The following PHF21B variants were observed in gnomAD, a reference collection of about 807,000 sequenced individuals.
PHF21B encodes PHD finger protein 21B, also known as PHD finger protein 4.
PHF21B carries 22 observed loss-of-function variants against 62.2 expected under a neutral mutation model. The observed-to-expected ratio is 0.35, with a 90% CI of 0.25 to 0.51. The LOEUF is 0.51. Among genes scored for constraint, PHF21B ranks in the 20% least tolerant of loss-of-function variants. The pLI is 0.97. For missense variants in PHF21B, 701 were observed against 707.9 expected (o/e 0.99, Z 0.11); for synonymous variants, 341 against 314.7 (o/e 1.08, Z -0.88).
chr22:45,000,829 C>A (rs2073204020), intron 2 of PHF21B: 1 of 152,160 alleles, frequency 6.6e-6, no homozygotes, highest in African/African-American at 2.4e-5. Flanking sequence ...GGGGTGGTTC[C>A]TGTGGTTCAA....
At chr22:44,984,224 T>C (rs1264734395) in intron 2 of PHF21B, among the ~76,000 whole-genome samples, 18 of 20,236 alleles carry the variant, frequency 8.9e-4, no homozygotes, top group East Asian at 5.0e-3. Flanking sequence ...ACCACCACCA[T>C]CACCATCACC....
At chr22:44,943,613 T>C (rs147396178) in intron 2 of PHF21B, among the ~76,000 whole-genome samples, 1 of 152,258 alleles carries the variant, frequency 6.6e-6, no homozygotes, top group East Asian at 1.9e-4. Flanking sequence ...ACCGGGATAC[T>C]TGACTGCTGT....
chr22:44,915,764 C>T (rs1165685349), intron 4 of PHF21B, among the ~76,000 whole-genome samples: 2 of 152,234 alleles, frequency 1.3e-5, no homozygotes, highest in Non-Finnish European at 2.9e-5. Context: ...AGGCCTCAAA[C>T]AGCACAACCA....
At chr22:44,895,343 A>G (rs1011779237) in intron 6 of PHF21B, among the ~76,000 whole-genome samples, 1 of 152,128 alleles carries the variant, frequency 6.6e-6, no homozygotes, top group Non-Finnish European at 1.5e-5. Context: ...TCATCATTCT[A>G]CGATGATGTT....
At chr22:44,899,285 C>CTTTTTT (rs71188499) in intron 5 of PHF21B, among the ~76,000 whole-genome samples, 188 of 97,526 alleles carry the variant, frequency 1.9e-3, no homozygotes, top group Non-Finnish European at 2.2e-3. Context: ...TGTTCTTATT[C>CTTTTTT]TTTTTTTTTT....
intron 2 of PHF21B, among the ~76,000 whole-genome samples, chr22:44,930,443 G>A (rs1004959457): frequency 8.5e-5 from 13 of 152,150 alleles, no homozygotes; most frequent in Admixed American, 2.0e-4. Context: ...GAGACAGAGG[G>A]AGCTCTGTCT....
intron 2 of PHF21B, among the ~76,000 whole-genome samples, chr22:44,991,897 T>C (rs1351877545): frequency 6.6e-6 from 1 of 152,234 alleles, no homozygotes; most frequent in Non-Finnish European, 1.5e-5. Context: ...TCCAAAAACA[T>C]ATTTAGTAAA....
intron 8 of PHF21B, 104 bp from the exon 9 acceptor site, chr22:44,889,886 G>A (rs2070930035): frequency 1.6e-6 from 2 of 1,227,498 alleles, no homozygotes; most frequent in African/African-American, 3.2e-5. Context: ...TCTTACCCCA[G>A]GGCATGATGG....
At chr22:44,966,278 A>T (rs2072523262) in intron 2 of PHF21B, among the ~76,000 whole-genome samples, 1 of 152,224 alleles carries the variant, frequency 6.6e-6, no homozygotes, top group African/African-American at 2.4e-5. Context: ...CTGCTCACTG[A>T]GCTTCAAAAA....
rs138455998 is a variant in PHF21B, at chr22:44,941,416, C to G, written c.121-20926G>C. ...GTGACTCGGCCTCTCAATCCTACACCTCAGGAGGAAGCTCAGTCTCCTCCT... is the reference window on the plus strand; with the variant it reads ...GTGACTCGGCCTCTCAATCCTACACGTCAGGAGGAAGCTCAGTCTCCTCCT... On this transcript the variant is annotated intron_variant, in intron 2 of 12. Coordinates refer to ENST00000313237, the MANE Select transcript of PHF21B (RefSeq NM_138415.5). Among the ~76,000 whole-genome samples the G allele has an allele frequency of 2.9e-3, 443 of 152,332 alleles. 2 individuals are homozygous for G. Among genetic ancestry groups the G allele is most frequent in the African/African-American group, 0.01 (423 of 41,588 alleles).
At chr22:44,970,686 C>G (rs1014409327) in intron 2 of PHF21B, among the ~76,000 whole-genome samples, 1 of 152,214 alleles carries the variant, frequency 6.6e-6, no homozygotes, top group Non-Finnish European at 1.5e-5. Context: ...ACTGCTCATC[C>G]AGTCCAGCCA....
At chr22:44,891,250 G>C (rs963678340) in intron 8 of PHF21B, 56 bp downstream of exon 8, 31 of 1,594,954 alleles carry the variant, frequency 1.9e-5, no homozygotes, top group Non-Finnish European at 1.1e-5. Flanking sequence ...ACCACCCAGG[G>C]ATGACTCCCC....
chr22:44,965,667 C>T (rs2072511501), intron 2 of PHF21B, among the ~76,000 whole-genome samples: 2 of 152,200 alleles, frequency 1.3e-5, no homozygotes, highest in African/African-American at 2.4e-5. Context: ...GTCTCCCTCG[C>T]CCTCCAGACC....
chr22:44,893,295 T>A (rs2070998804), intron 7 of PHF21B, among the ~76,000 whole-genome samples, 162 bp downstream of exon 7: 1 of 152,072 alleles, frequency 6.6e-6, no homozygotes, highest in African/African-American at 2.4e-5. Flanking sequence ...TCGGAGGTGA[T>A]GAGAGAGATG....
chr22:45,002,330 C>T (rs2073235361), intron 2 of PHF21B, among the ~76,000 whole-genome samples: 1 of 152,136 alleles, frequency 6.6e-6, no homozygotes, highest in Admixed American at 6.6e-5. Context: ...TACACACACA[C>T]CACATGCACA....
At chr22:44,990,472 G>A (rs553449774) in intron 2 of PHF21B, among the ~76,000 whole-genome samples, 4 of 152,302 alleles carry the variant, frequency 2.6e-5, no homozygotes, top group South Asian at 2.1e-4. Flanking sequence ...GTGGAATAAC[G>A]CACAGCCTGA....
chr22:44,944,969 G>C (rs912858121), intron 2 of PHF21B, among the ~76,000 whole-genome samples: 1 of 152,228 alleles, frequency 6.6e-6, no homozygotes, highest in African/African-American at 2.4e-5. Flanking sequence ...GTGAATTAGA[G>C]CGATCCTTAC....
intron 2 of PHF21B, among the ~76,000 whole-genome samples, chr22:44,921,666 C>A (rs1462798836): frequency 1.3e-5 from 2 of 149,932 alleles, no homozygotes; most frequent in Admixed American, 6.6e-5. Context: ...CGGAACCCAG[C>A]CTTTCTTTTT....
In PHF21B at chr22:44,920,462, A is replaced by G; in HGVS notation, c.149T>C (p.Val50Ala). ...CAAGGAGCTGACCTGAGGACCCGTG[A>G]CAGGCACTGCAGTGATCGTTCCCAA... ...QALGTITAVP[V>A]TGPQVSSLQR... Residue 50 changes from valine to alanine, a missense_variant, in exon 3 of 13, where the codon GTC (valine) becomes GCC (alanine). Val to Ala is a moderately conservative substitution (Grantham distance 64, BLOSUM62 0). Transcript: ENST00000313237. The G allele has an allele frequency of 6.2e-7, 1 of 1,613,162 alleles. No individual in the cohort carries two copies. The highest frequency in any genetic ancestry group is 8.5e-7 in the Non-Finnish European group (1 of 1,179,554).
Sources: gnomAD v4.1 joint callset for allele counts (sites outside exome capture counted in the v4.1 genomes callset) on GRCh38, gnomAD v4.1.1 for gene constraint, MANE v1.5 for transcripts, NCBI Gene and HGNC (gene_info 2026-07-23, HGNC 2026-07-21) for gene names.